DLG2: variants seen among roughly 807,000 people sequenced by gnomAD.
DLG2 encodes disks large homolog 2.
In DLG2, 45 loss-of-function variants were observed where a neutral mutation model predicts 132.5. The ratio of observed to expected loss-of-function variants is 0.34; its 90% CI spans 0.27 to 0.44. The LOEUF is 0.44. Among genes scored for constraint, DLG2 ranks in the 20% least tolerant of loss-of-function variants. The probability of loss-of-function intolerance (pLI) is 1.00; values close to 1 mark genes in which losing one functional copy is unlikely to be tolerated. For missense variants in DLG2, 1,045 were observed against 1,196.9 expected (o/e 0.87, Z 1.87); for synonymous variants, 424 against 419.6 (o/e 1.01, Z -0.13).
chr11:84,915,247 A>G (rs531849526), intron 6 of DLG2, among the ~76,000 whole-genome samples: 1 of 152,244 alleles, frequency 6.6e-6, no homozygotes, highest in Non-Finnish European at 1.5e-5. Flanking sequence ...TAAGCGGGTC[A>G]ATATGAATTG....
At chr11:85,623,714 AAAG>A (rs2153277091) in intron 2 of DLG2, among the ~76,000 whole-genome samples, 1 of 152,352 alleles carries the variant, frequency 6.6e-6, no homozygotes, top group East Asian at 1.9e-4. Flanking sequence ...GCCATTCAAA[AAAG>A]AAGCTGCATT....
At chr11:85,030,695 T>C (rs1358449621) in intron 6 of DLG2, among the ~76,000 whole-genome samples, 1 of 152,158 alleles carries the variant, frequency 6.6e-6, no homozygotes, top group Non-Finnish European at 1.5e-5. Flanking sequence ...AATCCATATG[T>C]AATCATGAAA....
At chr11:84,010,033 C>T (rs1255685977) in intron 11 of DLG2, among the ~76,000 whole-genome samples, 1 of 151,980 alleles carries the variant, frequency 6.6e-6, no homozygotes, top group Non-Finnish European at 1.5e-5. Flanking sequence ...GTATCACAAA[C>T]TCTGAAGCAT....
chr11:85,020,287 G>A (rs1239193281), intron 6 of DLG2, among the ~76,000 whole-genome samples: 2 of 152,106 alleles, frequency 1.3e-5, no homozygotes, highest in South Asian at 2.1e-4. Flanking sequence ...GTCTGTTCAT[G>A]TCCTTTGCCC....
At chr11:85,011,129 G>A (rs909579245) in intron 6 of DLG2, among the ~76,000 whole-genome samples, 1 of 152,000 alleles carries the variant, frequency 6.6e-6, no homozygotes, top group Admixed American at 6.6e-5. Flanking sequence ...TTACAAACAA[G>A]CCTTGAGCAT....
chr11:83,558,716 A>C (rs7943816), intron 19 of DLG2, among the ~76,000 whole-genome samples: 7,155 of 152,222 alleles, frequency 0.047, 473 homozygotes, highest in African/African-American at 0.15. Context: ...CTTTTCTCCC[A>C]GAGAGGAGGA....
chr11:83,775,250 A>T (rs1252084878), intron 18 of DLG2, among the ~76,000 whole-genome samples: 6 of 152,116 alleles, frequency 3.9e-5, no homozygotes, highest in Admixed American at 6.5e-5. Flanking sequence ...CTCCACACCC[A>T]TTCCAAACTA....
intron 4 of DLG2, among the ~76,000 whole-genome samples, chr11:85,247,323 G>T (rs1418487526): frequency 6.6e-6 from 1 of 151,938 alleles, no homozygotes; most frequent in Non-Finnish European, 1.5e-5. Context: ...ACCTCCCCCT[G>T]GGCATGGGGT....
intron 6 of DLG2, chr11:84,545,089 T>C (rs1029820129): frequency 2.2e-5 from 10 of 453,914 alleles, no homozygotes; most frequent in African/African-American, 6.0e-5. Context: ...AGCTTCCCTG[T>C]CACTTCTCTC....
intron 16 of DLG2, among the ~76,000 whole-genome samples, chr11:83,840,255 T>G (rs2057253622): frequency 6.6e-6 from 1 of 152,110 alleles, no homozygotes; most frequent in Non-Finnish European, 1.5e-5. Context: ...CATACCTTCT[T>G]CTCAAGAAAA....
intron 3 of DLG2, among the ~76,000 whole-genome samples, chr11:85,289,336 C>T (rs2078750787): frequency 6.6e-6 from 1 of 152,136 alleles, no homozygotes; most frequent in Non-Finnish European, 1.5e-5. Context: ...CCATCTGTTA[C>T]TCACACTCTT....
chr11:84,280,787 TC>T, intron 7 of DLG2, among the ~76,000 whole-genome samples: 1 of 148,934 alleles, frequency 6.7e-6, no homozygotes, highest in Middle Eastern at 3.6e-3. Flanking sequence ...AAGCTCCGCC[TC>T]CCTGGTTCAC....
intron 8 of DLG2, among the ~76,000 whole-genome samples, chr11:84,208,321 T>C (rs1158406843): frequency 6.6e-6 from 1 of 151,028 alleles, no homozygotes; most frequent in Non-Finnish European, 1.5e-5. Context: ...CCATGGTCAC[T>C]CATATTGGCT....
intron 8 of DLG2, among the ~76,000 whole-genome samples, chr11:84,236,321 G>A (rs2097158279): frequency 6.6e-6 from 1 of 152,214 alleles, no homozygotes; most frequent in South Asian, 2.1e-4. Context: ...ATATCAGTGA[G>A]GTTGGTTGTC....
At chr11:83,627,227 T>C (rs1414289428) in intron 19 of DLG2, among the ~76,000 whole-genome samples, 3 of 152,204 alleles carry the variant, frequency 2.0e-5, no homozygotes, top group East Asian at 3.9e-4. Context: ...ATTATTATAC[T>C]TTAACTTTTA....
At chr11:84,711,510 C>T (rs1196081722) in intron 6 of DLG2, among the ~76,000 whole-genome samples, 3 of 147,308 alleles carry the variant, frequency 2.0e-5, no homozygotes, top group Non-Finnish European at 4.5e-5. Context: ...AGAGAGCCAA[C>T]ATGCAGTTCC....
intron 3 of DLG2, among the ~76,000 whole-genome samples, chr11:85,534,748 A>T (rs886448486): frequency 6.6e-6 from 1 of 152,230 alleles, no homozygotes; most frequent in Admixed American, 6.5e-5. Flanking sequence ...GTTGATGAGC[A>T]TCTAGCTTGG....
At chr11:83,696,797 ATG>A (rs1263913261) in intron 18 of DLG2, among the ~76,000 whole-genome samples, 9 of 152,360 alleles carry the variant, frequency 5.9e-5, no homozygotes, top group Non-Finnish European at 1.3e-4. Context: ...GGTCCCTAAC[ATG>A]AAGGACTTCG....
intron 18 of DLG2, among the ~76,000 whole-genome samples, chr11:83,779,918 T>G (rs1416538687): frequency 6.6e-6 from 1 of 152,204 alleles, no homozygotes; most frequent in Non-Finnish European, 1.5e-5. Context: ...TCACCTAAGT[T>G]GGAATTTGCA....
Sources: allele counts gnomAD v4.1 joint callset (sites outside exome capture counted in the v4.1 genomes callset), GRCh38; gene constraint gnomAD v4.1.1; transcripts MANE v1.5; gene names NCBI Gene and HGNC (gene_info 2026-07-23, HGNC 2026-07-21).